Variants in SPECC1 observed in about 807,000 individuals in gnomAD.
The protein encoded by SPECC1 is sperm antigen with calponin homology and coiled-coil domains 1, also known as cytospin-B.
Under a neutral mutation model 104.1 loss-of-function variants are expected in SPECC1, and 62 were observed. That is an observed-to-expected ratio of 0.60 (90% CI 0.49 to 0.74). The LOEUF (loss-of-function observed/expected upper bound fraction) is 0.74, where lower values mean the gene tolerates loss of function less well. SPECC1 is among the 30% of genes least tolerant of loss of function. The pLI is 0.00. For missense variants in SPECC1, 1,306 were observed against 1,310.5 expected (o/e 1.00, Z 0.05); for synonymous variants, 513 against 501.6 (o/e 1.02, Z -0.30).
At chr17:20,237,110 T>G in intron 7 of SPECC1, 4 of 1,396,930 alleles carry the variant, frequency 2.9e-6, no homozygotes, top group Non-Finnish European at 3.7e-6. Context: ...GTTTCCCTCT[T>G]TTTACTTTTC....
intron 3 of SPECC1, among the ~76,000 whole-genome samples, chr17:20,118,305 C>G (rs2048864069): frequency 6.6e-6 from 1 of 152,140 alleles, no homozygotes; most frequent in African/African-American, 2.4e-5. Context: ...CCAAGCATTT[C>G]TATTATTTAG....
chr17:20,068,283 A>G (rs185543059), intron 1 of SPECC1, among the ~76,000 whole-genome samples: 8 of 152,192 alleles, frequency 5.3e-5, no homozygotes, highest in East Asian at 1.9e-4. Context: ...TTTGTTCAAC[A>G]TAAGGTTTTC....
At chr17:20,115,151 GAC>G (rs768244817) in intron 3 of SPECC1, among the ~76,000 whole-genome samples, 63 of 152,132 alleles carry the variant, frequency 4.1e-4, no homozygotes, top group Admixed American at 9.2e-4. Flanking sequence ...GAAAAAAAAA[GAC>G]TGATCCCATG....
At chr17:20,131,842 G>T (rs1050597642) in intron 3 of SPECC1, among the ~76,000 whole-genome samples, 2 of 151,948 alleles carry the variant, frequency 1.3e-5, no homozygotes, top group African/African-American at 4.8e-5. Flanking sequence ...TAGAGACGGG[G>T]TTTCACTGTG....
intron 3 of SPECC1, among the ~76,000 whole-genome samples, chr17:20,187,805 C>T (rs1435856920): frequency 6.6e-6 from 1 of 152,150 alleles, no homozygotes; most frequent in African/African-American, 2.4e-5. Flanking sequence ...GGCAGTTTAT[C>T]CAATGAATGG....
intron 1 of SPECC1, among the ~76,000 whole-genome samples, chr17:20,051,632 A>G (rs1274910825): frequency 6.6e-6 from 1 of 152,068 alleles, no homozygotes; most frequent in East Asian, 1.9e-4. Flanking sequence ...AATATTAATT[A>G]CTTGCTCTGT....
chr17:20,143,301 G>C (rs940549599), intron 3 of SPECC1, among the ~76,000 whole-genome samples: 20 of 151,572 alleles, frequency 1.3e-4, no homozygotes, highest in South Asian at 2.1e-4. Context: ...CAGGAGGATT[G>C]CTTGAGCCCA....
At chr17:20,156,018 C>G (rs985249751) in intron 3 of SPECC1, 12 of 1,286,564 alleles carry the variant, frequency 9.3e-6, no homozygotes, top group Non-Finnish European at 1.2e-5. Context: ...GGCCCACGGG[C>G]GCGGGAGAGC....
chr17:20,103,418 C>G (rs1240243280), intron 2 of SPECC1, among the ~76,000 whole-genome samples: 1 of 152,184 alleles, frequency 6.6e-6, no homozygotes, highest in African/African-American at 2.4e-5. Context: ...GCAGGGCCTC[C>G]TGATTCACTT....
intron 14 of SPECC1, among the ~76,000 whole-genome samples, chr17:20,312,593 T>C (rs1421350622): frequency 6.6e-6 from 1 of 152,206 alleles, no homozygotes; most frequent in Non-Finnish European, 1.5e-5. Context: ...TCTTCATCAG[T>C]TCCTTTCTGT....
At chr17:20,233,717 T>A (rs2038739103) in intron 7 of SPECC1, among the ~76,000 whole-genome samples, 1 of 152,038 alleles carries the variant, frequency 6.6e-6, no homozygotes, top group Admixed American at 6.6e-5. Flanking sequence ...GGATGTGAAT[T>A]TTAAGTGGAG....
At chr17:20,133,200 A>T (rs1446091413) in intron 3 of SPECC1, among the ~76,000 whole-genome samples, 1 of 151,050 alleles carries the variant, frequency 6.6e-6, no homozygotes, top group East Asian at 1.9e-4. Flanking sequence ...AGAACCAGCT[A>T]TTTGTCTCAC....
intron 3 of SPECC1, chr17:20,112,821 A>T: frequency 6.3e-7 from 1 of 1,576,098 alleles, no homozygotes; most frequent in South Asian, 1.1e-5. Context: ...AAAAATGCAA[A>T]GTTGAAGAAC....
intron 12 of SPECC1, among the ~76,000 whole-genome samples, chr17:20,263,885 T>TTG (rs556560740): frequency 0.043 from 6,450 of 150,338 alleles, 150 homozygotes; most frequent in East Asian, 0.08. Context: ...CTGGAGTGAT[T>TTG]TGTGTGTGTG....
At chr17:20,068,556 C>T (rs2046439527) in intron 1 of SPECC1, among the ~76,000 whole-genome samples, 1 of 152,152 alleles carries the variant, frequency 6.6e-6, no homozygotes, top group African/African-American at 2.4e-5. Flanking sequence ...TTGAGGGACT[C>T]CCCAAACTGT....
chr17:20,016,613 G>A (rs2044138906), intron 1 of SPECC1, among the ~76,000 whole-genome samples: 1 of 152,224 alleles, frequency 6.6e-6, no homozygotes, highest in African/African-American at 2.4e-5. Flanking sequence ...TTAGCACCTG[G>A]GCCAGCAGCT....
chr17:20,041,620 CTTTTT>C (rs35255510), intron 1 of SPECC1, among the ~76,000 whole-genome samples: 3 of 51,150 alleles, frequency 5.9e-5, no homozygotes, highest in Non-Finnish European at 8.2e-5. Context: ...TTTGTTGAGG[CTTTTT>C]TTTTTTTTTT....
Position 20,204,830 on chromosome 17 carries a change from C to G in SPECC1, c.781C>G (p.Pro261Ala), listed in dbSNP as rs774082388. Residue 261 changes from proline to alanine, a missense_variant, in exon 4 of 15, where the codon CCA becomes GCA. By Grantham distance (27) the Pro-to-Ala change is conservative (BLOSUM62 -1). Around this residue, in one of 2 missense-constraint regions of SPECC1, gnomAD observed 1,177 missense variants for 1,139.9 expected, o/e 1.03. Transcript: ENST00000395527. ...GAAACTGATCTATCTTGAGCACTCC[C>G]CAAATTCAGAAGGGGCAGCAAGTCA... ...KEKLIYLEHS[P>A]NSEGAASHTG... 28 of 1,613,868 alleles carry G rather than the reference C, an allele frequency of 1.7e-5. No individual in the cohort carries two copies. The highest frequency in any genetic ancestry group is 1.8e-5 in the Non-Finnish European group (21 of 1,180,018).
At chr17:20,156,197 A>G in intron 3 of SPECC1, 1 of 1,447,384 alleles carries the variant, frequency 6.9e-7, no homozygotes, top group Non-Finnish European at 9.1e-7. Flanking sequence ...TCGGCCAAGC[A>G]TGGGCAACCA....
Sources: gnomAD v4.1 joint callset for allele counts (sites outside exome capture counted in the v4.1 genomes callset) on GRCh38, gnomAD v4.1.1 for gene constraint, gnomAD v4.1.1 regional missense constraint, MANE v1.5 for transcripts, NCBI Gene and HGNC (gene_info 2026-07-23, HGNC 2026-07-21) for gene names.